LRBA: variants seen among roughly 807,000 people sequenced by gnomAD.
LRBA encodes lipopolysaccharide-responsive and beige-like anchor protein.
Under a neutral mutation model 330.0 loss-of-function variants are expected in LRBA, and 176 were observed. The ratio of observed to expected loss-of-function variants is 0.53; its 90% CI spans 0.47 to 0.60. The LOEUF (loss-of-function observed/expected upper bound fraction) is 0.60. Among genes scored for constraint, LRBA ranks in the 20% least tolerant of loss-of-function variants. The pLI is 0.00. For synonymous variants in LRBA, 1,230 were observed against 1,193.0 expected (o/e 1.03, Z -0.64); for missense variants, 3,259 against 3,444.8 (o/e 0.95, Z 1.35).
At chr4:150,780,641 A>ACATG (rs70941443) in intron 34 of LRBA, among the ~76,000 whole-genome samples, 4 of 148,640 alleles carry the variant, frequency 2.7e-5, no homozygotes, top group African/African-American at 9.8e-5. Flanking sequence ...GTATATATAT[A>ACATG]TATATGTGTA....
intron 47 of LRBA, among the ~76,000 whole-genome samples, chr4:150,363,488 T>A (rs1232969412): frequency 2.6e-5 from 4 of 152,346 alleles, no homozygotes; most frequent in Non-Finnish European, 2.9e-5. Flanking sequence ...ATATTACATG[T>A]TATCACAAGT....
chr4:150,508,783 A>G (rs948189101), intron 40 of LRBA, among the ~76,000 whole-genome samples: 1 of 152,212 alleles, frequency 6.6e-6, no homozygotes, highest in East Asian at 1.9e-4. Context: ...ACATTTCAAC[A>G]TTCCTCTGTA....
At chr4:150,686,953 CT>C (rs1008934204) in intron 36 of LRBA, among the ~76,000 whole-genome samples, 16 of 152,150 alleles carry the variant, frequency 1.1e-4, no homozygotes, top group African/African-American at 3.9e-4. Flanking sequence ...TTAAAGTGTT[CT>C]TTAATGGATC....
intron 28 of LRBA, 117 bp downstream of exon 28, chr4:150,843,983 C>A (rs1749476602): frequency 3.3e-6 from 2 of 607,322 alleles, no homozygotes; most frequent in South Asian, 3.1e-5. Flanking sequence ...GTTTCTAGAC[C>A]TTTCTATCTC....
At chr4:150,422,766 G>C in intron 46 of LRBA, 1 of 1,347,790 alleles carries the variant, frequency 7.4e-7, no homozygotes, top group East Asian at 2.4e-5. Flanking sequence ...CTGGTGGCCA[G>C]CTGGGCACTG....
At chr4:150,965,354 C>A (rs779684296) in intron 2 of LRBA, among the ~76,000 whole-genome samples, 17 of 151,994 alleles carry the variant, frequency 1.1e-4, no homozygotes, top group Non-Finnish European at 2.1e-4. Flanking sequence ...AAATTATCAG[C>A]AAAGAAAAAG....
At chr4:150,562,630 G>C in intron 40 of LRBA, among the ~76,000 whole-genome samples, 1 of 151,960 alleles carries the variant, frequency 6.6e-6, no homozygotes. Context: ...AGTAACAGAA[G>C]AAATAATACA....
At chr4:150,789,729 T>C (rs2126636184) in intron 34 of LRBA, among the ~76,000 whole-genome samples, 1 of 152,280 alleles carries the variant, frequency 6.6e-6, no homozygotes, top group South Asian at 2.1e-4. Context: ...TCTCAAAATT[T>C]ACACTTTTAA....
chr4:150,689,360 A>G (rs1310563339), intron 36 of LRBA, among the ~76,000 whole-genome samples: 1 of 152,138 alleles, frequency 6.6e-6, no homozygotes, highest in Non-Finnish European at 1.5e-5. Flanking sequence ...CCTAATGCAG[A>G]TGACAGGTTG....
At chr4:150,953,488 G>C (rs555441607) in intron 2 of LRBA, among the ~76,000 whole-genome samples, 1 of 151,610 alleles carries the variant, frequency 6.6e-6, no homozygotes, top group African/African-American at 2.4e-5. Flanking sequence ...CCTCAGCCTG[G>C]GAGTGCCTGG....
chr4:150,981,653 C>T (rs1226859542), intron 2 of LRBA, among the ~76,000 whole-genome samples: 1 of 151,952 alleles, frequency 6.6e-6, no homozygotes, highest in East Asian at 1.9e-4. Context: ...TCAATTCCAA[C>T]AAAGGTGCCA....
chr4:150,732,207 T>C (rs1360367425), intron 36 of LRBA, among the ~76,000 whole-genome samples: 1 of 152,112 alleles, frequency 6.6e-6, no homozygotes, highest in East Asian at 1.9e-4. Context: ...AATTATTATT[T>C]TGCTAAATTT....
intron 35 of LRBA, among the ~76,000 whole-genome samples, chr4:150,745,075 G>T (rs1732508363): frequency 6.6e-6 from 1 of 152,060 alleles, no homozygotes. Context: ...ACAAGAAAAT[G>T]GGAAACTCAG....
intron 35 of LRBA, among the ~76,000 whole-genome samples, chr4:150,742,396 C>T (rs989448505): frequency 6.6e-6 from 1 of 151,956 alleles, no homozygotes; most frequent in Non-Finnish European, 1.5e-5. Flanking sequence ...GATCCTCCTG[C>T]CTTAGCTTCC....
At chr4:150,499,950 G>A (rs1392772186) in intron 40 of LRBA, among the ~76,000 whole-genome samples, 1 of 151,848 alleles carries the variant, frequency 6.6e-6, no homozygotes, top group East Asian at 1.9e-4. Flanking sequence ...GAGGTGGGAA[G>A]CAAGGAAAGT....
intron 44 of LRBA, among the ~76,000 whole-genome samples, chr4:150,441,193 A>C (rs1038009448): frequency 1.3e-5 from 2 of 152,058 alleles, no homozygotes; most frequent in Non-Finnish European, 2.9e-5. Context: ...AAGCCTGATG[A>C]AATTAATGGG....
chr4:150,469,666 T>A (rs1755850255), intron 43 of LRBA, among the ~76,000 whole-genome samples: 1 of 152,176 alleles, frequency 6.6e-6, no homozygotes, highest in Admixed American at 6.5e-5. Context: ...TAATAAAATT[T>A]AGAACTTTCA....
At chr4:150,914,094 T>C (rs1425804960) in intron 9 of LRBA, 101 bp downstream of exon 9, 4 of 262,740 alleles carry the variant, frequency 1.5e-5, no homozygotes, top group Non-Finnish European at 2.5e-5. Flanking sequence ...CTCATTTTTC[T>C]TTTTTTTTTT....
At chr4:150,457,742 T>C (rs1433620495) in intron 44 of LRBA, among the ~76,000 whole-genome samples, 1 of 151,890 alleles carries the variant, frequency 6.6e-6, no homozygotes. Flanking sequence ...GTTTTGAAAA[T>C]AGTTCCTATG....
Sources: gnomAD v4.1 joint callset for allele counts (sites outside exome capture counted in the v4.1 genomes callset) on GRCh38, gnomAD v4.1.1 for gene constraint, MANE v1.5 for transcripts, NCBI Gene and HGNC (gene_info 2026-07-23, HGNC 2026-07-21) for gene names.